PTPRD: variants seen among roughly 807,000 people sequenced by gnomAD.
The protein encoded by PTPRD is receptor-type tyrosine-protein phosphatase delta.
In PTPRD, 34 loss-of-function variants were observed where a neutral mutation model predicts 214.5. The observed-to-expected ratio is 0.16, with a 90% CI of 0.12 to 0.21. The LOEUF is 0.21. PTPRD is among the 10% of genes least tolerant of loss of function. The pLI, the probability that PTPRD is intolerant of heterozygous loss-of-function variation, is 1.00. For synonymous variants in PTPRD, 1,128 were observed against 845.7 expected (o/e 1.33, Z -5.79); for missense variants, 2,545 against 2,398.7 (o/e 1.06, Z -1.27).
At chr9:9,235,760 G>C (rs1452780356) in intron 9 of PTPRD, among the ~76,000 whole-genome samples, 1 of 152,166 alleles carries the variant, frequency 6.6e-6, no homozygotes, top group African/African-American at 2.4e-5. Context: ...AGAATGTAAA[G>C]TAAAAATTTG....
chr9:8,864,537 G>T (rs1191075854), intron 11 of PTPRD, among the ~76,000 whole-genome samples: 1 of 152,170 alleles, frequency 6.6e-6, no homozygotes, highest in Non-Finnish European at 1.5e-5. Context: ...TAGAAAGAAA[G>T]CACTAACACA....
intron 2 of PTPRD, among the ~76,000 whole-genome samples, chr9:10,344,867 C>A (rs1331419156): frequency 2.0e-5 from 3 of 152,060 alleles, no homozygotes; most frequent in African/African-American, 7.2e-5. Context: ...AAAAGCAAAC[C>A]AAAATCAGAA....
chr9:9,299,140 G>C (rs143569268), intron 9 of PTPRD, among the ~76,000 whole-genome samples: 1 of 151,430 alleles, frequency 6.6e-6, no homozygotes, highest in African/African-American at 2.4e-5. Flanking sequence ...GGAGGTGAAC[G>C]GTAAATCCAA....
At chr9:10,113,696 T>G (rs1339717407) in intron 3 of PTPRD, among the ~76,000 whole-genome samples, 2 of 152,094 alleles carry the variant, frequency 1.3e-5, no homozygotes, top group Non-Finnish European at 2.9e-5. Context: ...AAACACCAAA[T>G]GGGGTAATTT....
intron 12 of PTPRD, among the ~76,000 whole-genome samples, chr9:8,654,371 T>C (rs1020495793): frequency 2.6e-5 from 4 of 152,168 alleles, no homozygotes; most frequent in African/African-American, 7.2e-5. Context: ...AGGCATGATA[T>C]GTAGTGGGTA....
chr9:9,104,778 C>T (rs1370080297), intron 10 of PTPRD, among the ~76,000 whole-genome samples: 1 of 152,136 alleles, frequency 6.6e-6, no homozygotes, highest in African/African-American at 2.4e-5. Flanking sequence ...TTCATTCTAT[C>T]GCTCCACATT....
chr9:10,343,983 T>G (rs1428919136), intron 2 of PTPRD, among the ~76,000 whole-genome samples: 37 of 135,636 alleles, frequency 2.7e-4, no homozygotes, highest in African/African-American at 9.8e-4. Flanking sequence ...TGGTAGTTTT[T>G]TTTTTTTTTT....
At chr9:9,055,532 C>T (rs1010479701) in intron 10 of PTPRD, among the ~76,000 whole-genome samples, 95 of 152,122 alleles carry the variant, frequency 6.2e-4, no homozygotes, top group African/African-American at 2.2e-3. Context: ...GCCAACTTGG[C>T]ACATAAAATT....
chr9:10,604,255 T>A (rs963155884), intron 2 of PTPRD, among the ~76,000 whole-genome samples: 54 of 151,992 alleles, frequency 3.6e-4, no homozygotes, highest in African/African-American at 1.1e-3. Context: ...TTCTTGAATA[T>A]GGCCTGAAAT....
intron 8 of PTPRD, among the ~76,000 whole-genome samples, chr9:9,449,842 G>C (rs1386777899): frequency 3.3e-5 from 5 of 151,862 alleles, no homozygotes; most frequent in East Asian, 1.9e-4. Context: ...CATCTGAGCA[G>C]TGTACACTAT....
chr9:10,011,559 C>T (rs57823035), intron 4 of PTPRD, among the ~76,000 whole-genome samples: 453 of 152,036 alleles, frequency 3.0e-3, no homozygotes, highest in African/African-American at 0.011. Context: ...AGCATCAAAA[C>T]ATAATGCCTT....
intron 4 of PTPRD, among the ~76,000 whole-genome samples, chr9:9,949,657 T>C (rs1566644333): frequency 6.6e-6 from 1 of 152,098 alleles, no homozygotes; most frequent in Non-Finnish European, 1.5e-5. Flanking sequence ...ATCTCTACAC[T>C]TTCATTGGAA....
At chr9:9,080,056 G>T (rs1355572077) in intron 10 of PTPRD, among the ~76,000 whole-genome samples, 1 of 151,810 alleles carries the variant, frequency 6.6e-6, no homozygotes, top group African/African-American at 2.4e-5. Flanking sequence ...TAGAATTCTG[G>T]GTTTAATCTA....
At chr9:9,043,033 A>G (rs1322506671) in intron 10 of PTPRD, among the ~76,000 whole-genome samples, 1 of 152,184 alleles carries the variant, frequency 6.6e-6, no homozygotes, top group East Asian at 1.9e-4. Flanking sequence ...GCTCCTGCAC[A>G]TTTTAAAACT....
chr9:8,931,951 G>C (rs942591898), intron 11 of PTPRD, among the ~76,000 whole-genome samples: 45 of 152,158 alleles, frequency 3.0e-4, no homozygotes, highest in African/African-American at 1.1e-3. Context: ...TATTTGCATA[G>C]AGGTATTTAT....
chr9:8,976,778 G>C (rs752129580), intron 11 of PTPRD, among the ~76,000 whole-genome samples: 1 of 152,118 alleles, frequency 6.6e-6, no homozygotes, highest in African/African-American at 2.4e-5. Context: ...CGTAATTGGA[G>C]AGTATTCCTA....
intron 11 of PTPRD, among the ~76,000 whole-genome samples, chr9:8,868,086 C>T (rs1036328403): frequency 2.0e-5 from 3 of 152,164 alleles, no homozygotes; most frequent in Non-Finnish European, 4.4e-5. Flanking sequence ...TGGTTCACCA[C>T]CCTGGTTGTG....
chr9:10,384,867 T>C (rs751239886), intron 2 of PTPRD, among the ~76,000 whole-genome samples: 4 of 151,798 alleles, frequency 2.6e-5, no homozygotes, highest in Admixed American at 6.6e-5. Flanking sequence ...AAAATTGTTC[T>C]TGTTGTTTCT....
chr9:9,149,198 A>C (rs770253720), intron 10 of PTPRD, among the ~76,000 whole-genome samples: 47 of 152,244 alleles, frequency 3.1e-4, no homozygotes, highest in Non-Finnish European at 1.5e-4. Flanking sequence ...CAGATAAAGA[A>C]TAATAACATT....
Sources: allele counts gnomAD v4.1 joint callset (sites outside exome capture counted in the v4.1 genomes callset), GRCh38; gene constraint gnomAD v4.1.1; transcripts MANE v1.5; gene names NCBI Gene and HGNC (gene_info 2026-07-23, HGNC 2026-07-21).